MEPE: variants seen among roughly 807,000 people sequenced by gnomAD.
The protein encoded by MEPE is matrix, extracellular phosphoglycoprotein with ASARM motif (bone).
Under a neutral mutation model 7.3 loss-of-function variants are expected in MEPE, and 7 were observed. The observed-to-expected ratio is 0.95, with a 90% CI of 0.54 to 1.79. The LOEUF (loss-of-function observed/expected upper bound fraction) is 1.79. Among genes scored for constraint, MEPE ranks in the 40% most tolerant of loss-of-function variants. MEPE has a pLI of 0.00. For synonymous variants in MEPE, 214 were observed against 213.1 expected (o/e 1.00, Z -0.04); for missense variants, 623 against 628.2 (o/e 0.99, Z 0.09).
intron 1 of MEPE, among the ~76,000 whole-genome samples, chr4:87,823,105 A>T (rs1367844758): frequency 6.6e-6 from 1 of 152,186 alleles, no homozygotes; most frequent in East Asian, 1.9e-4. Context: ...CTGGCTAAAA[A>T]AAGCTTTTGA....
At chr4:87,828,609 T>C (rs1257682920), upstream of MEPE, among the ~76,000 whole-genome samples, 1 of 152,176 alleles carries the variant, frequency 6.6e-6, no homozygotes, top group Non-Finnish European at 1.5e-5. Flanking sequence ...GCCTTATTCC[T>C]GGGTGAGAGT....
chr4:87,840,045 T>C (rs1464626590), intron 3 of MEPE: 1 of 1,535,400 alleles, frequency 6.5e-7, no homozygotes, highest in Non-Finnish European at 8.7e-7. Flanking sequence ...GTGATACTCA[T>C]GGACCTCAGG....
At chr4:87,836,545 G>A (rs533634847) in intron 2 of MEPE, among the ~76,000 whole-genome samples, 86 of 151,814 alleles carry the variant, frequency 5.7e-4, no homozygotes, top group Non-Finnish European at 1.1e-3. Flanking sequence ...AGAACTGTTT[G>A]CCCTGGTTTT....
At chr4:87,843,467 C>A (rs1190106207) in intron 3 of MEPE, among the ~76,000 whole-genome samples, 2 of 152,090 alleles carry the variant, frequency 1.3e-5, no homozygotes, top group Admixed American at 1.3e-4. Flanking sequence ...CATGCAGCAC[C>A]CACCCTAATT....
Position 87,846,512 on chromosome 4 carries a change from A to G in MEPE, c.*66A>G. The G allele has an allele frequency of 6.6e-7, 1 of 1,516,978 alleles. No individual in the cohort carries two copies. The highest frequency in any genetic ancestry group is 8.9e-7 in the Non-Finnish European group (1 of 1,128,382). The allele number at this position is 1,516,978 out of a possible 1,614,324, so 94.0% of individuals were successfully genotyped here. On this transcript the variant is annotated 3_prime_UTR_variant, in exon 4 of 4. Coordinates refer to ENST00000361056, the MANE Select transcript of MEPE (RefSeq NM_020203.6). ...CGTCACCTGTGAGTTGATGTAGAGG[A>G]GAGCCACCTGACAGCTGACCAGGTG...
upstream of MEPE, among the ~76,000 whole-genome samples, chr4:87,830,823 T>TA (rs68093598): frequency 3.2e-3 from 109 of 34,116 alleles, no homozygotes; most frequent in African/African-American, 5.4e-3. Flanking sequence ...TTAGATATGA[T>TA]AAAAAAAAAA....
At position 87,845,666 on chromosome 4, in the gene MEPE, T is replaced by C. The variant is rs1312622632; in HGVS notation, c.798T>C (p.Pro266=). The change falls in exon 4 of 4, where the codon CCT becomes CCC. Residue 266 remains proline, a synonymous_variant. Transcript: ENST00000361056. ...SGDGQPFKDI[P]GKGEATGPDL... ...ACGGCCAACCTTTTAAGGACATTCC[T>C]GGTAAAGGAGAAGCTACTGGTCCTG... 3.1e-6 allele frequency: 5 copies of C among 1,613,664 alleles called. No homozygotes were observed. Among genetic ancestry groups the C allele is most frequent in the South Asian group, 2.2e-5 (2 of 91,012 alleles).
rs1722890049 is a variant in MEPE, at chr4:87,838,641, C to T, written c.64C>T (p.Pro22Ser). The change falls in exon 3 of 4, where the codon CCA (proline) becomes TCA (serine). Residue 22 changes from proline (P) to serine (S), a missense_variant. Pro to Ser is a moderately conservative substitution (Grantham distance 74). Transcript: ENST00000361056. ...SVTWAAPTFQ[P>S]QTEKTKQSCV... ...TCTTGTTTCCTTTCAGACATTTCAA[C>T]CACAGACTGAGAAAACTAAGCAAAG... The T allele has an allele frequency of 1.2e-6, 2 of 1,613,140 alleles. No homozygotes were observed. The highest frequency in any genetic ancestry group is 1.7e-5 in the Admixed American group (1 of 59,944).
intron 3 of MEPE, 143 bp from the exon 4 acceptor site, chr4:87,844,834 T>G: frequency 1.7e-6 from 1 of 597,806 alleles, no homozygotes; most frequent in Non-Finnish European, 2.7e-6. Context: ...CATTCTAGAA[T>G]GACCTCTACC....
chr4:87,830,835 A>AAGAG (rs1553915131), upstream of MEPE, among the ~76,000 whole-genome samples: 1 of 151,494 alleles, frequency 6.6e-6, no homozygotes, highest in Middle Eastern at 3.4e-3. Flanking sequence ...AAAAAAAAAA[A>AAGAG]AGAGAGAGTT....
upstream of MEPE, among the ~76,000 whole-genome samples, chr4:87,830,472 G>A (rs1179046659): frequency 2.0e-5 from 3 of 152,056 alleles, no homozygotes; most frequent in Non-Finnish European, 4.4e-5. Context: ...GCAAACTAAC[G>A]CAGGAACAGA....
At chr4:87,823,548 C>A (rs1722392970) in intron 1 of MEPE, among the ~76,000 whole-genome samples, 2 of 152,288 alleles carry the variant, frequency 1.3e-5, no homozygotes, top group Non-Finnish European at 1.5e-5. Context: ...AATACTTTTG[C>A]AAAACTAAAG....
intron 2 of MEPE, among the ~76,000 whole-genome samples, chr4:87,835,358 T>C (rs1173182802): frequency 6.6e-6 from 1 of 152,208 alleles, no homozygotes; most frequent in Non-Finnish European, 1.5e-5. Flanking sequence ...ACTCACCCAG[T>C]TGAATATTCA....
intron 1 of MEPE, 76 bp from the exon 2 acceptor site, chr4:87,834,627 T>G: frequency 9.1e-7 from 1 of 1,103,572 alleles, no homozygotes; most frequent in Non-Finnish European, 1.4e-6. Context: ...TATATTCCTA[T>G]GTGTTTTATC....
chr4:87,824,194 AC>A (rs1722408174), intron 1 of MEPE, among the ~76,000 whole-genome samples: 1 of 152,188 alleles, frequency 6.6e-6, no homozygotes, highest in Non-Finnish European at 1.5e-5. Flanking sequence ...TTTTTAAAAG[AC>A]CAGATAGAAA....
At chr4:87,838,460 A>C (rs1455199444) in intron 2 of MEPE, among the ~76,000 whole-genome samples, 172 bp from the exon 3 acceptor site, 2 of 152,316 alleles carry the variant, frequency 1.3e-5, no homozygotes, top group African/African-American at 4.8e-5. Context: ...CGTAATATTG[A>C]AACAAATATT....
chr4:87,831,562 G>A (rs1051027910), upstream of MEPE, among the ~76,000 whole-genome samples: 2 of 152,082 alleles, frequency 1.3e-5, no homozygotes, highest in Non-Finnish European at 1.5e-5. Context: ...ATCTCTGGCT[G>A]GGATTATTAC....
In MEPE at chr4:87,824,393, T is replaced by C. The variant is rs181679253; in HGVS notation, c.-13+2922T>C. Among the ~76,000 whole-genome samples, 7 of 152,364 alleles carry C rather than the reference T, an allele frequency of 4.6e-5. No individual in the cohort carries two copies. In the East Asian group the frequency reaches 1.3e-3, roughly 29 times the overall value. On this transcript the variant is annotated intron_variant, in intron 1 of 3. Transcript: ENST00000424957. ...TATTATTTATCAAAGATAATACTTC[T>C]TGCTGTGCCTAGGTCCTGGAACTGT...
chr4:87,837,052 T>C (rs1192707341), intron 2 of MEPE, among the ~76,000 whole-genome samples: 1 of 152,216 alleles, frequency 6.6e-6, no homozygotes, highest in Non-Finnish European at 1.5e-5. Context: ...TGAAGATGAT[T>C]TTATCTGCCA....
Sources: gnomAD v4.1 joint callset for allele counts (sites outside exome capture counted in the v4.1 genomes callset) on GRCh38, gnomAD v4.1.1 for gene constraint, MANE v1.5 for transcripts, NCBI Gene and HGNC (gene_info 2026-07-23, HGNC 2026-07-21) for gene names.